Variants in CHUK observed in about 807,000 individuals in gnomAD.
The protein encoded by CHUK is inhibitor of nuclear factor kappa-B kinase subunit alpha.
Under a neutral mutation model 104.8 loss-of-function variants are expected in CHUK, and 35 were observed. The observed-to-expected ratio is 0.33, with a 90% CI of 0.26 to 0.44. CHUK has a LOEUF of 0.44. CHUK is among the 20% of genes least tolerant of loss of function. CHUK has a pLI of 1.00. For synonymous variants in CHUK, 276 were observed against 291.9 expected (o/e 0.95, Z 0.56); for missense variants, 663 against 902.7 (o/e 0.73, Z 3.40).
chr10:100,213,206 C>T (rs1170839251), intron 9 of CHUK, among the ~76,000 whole-genome samples: 4 of 151,896 alleles, frequency 2.6e-5, no homozygotes, highest in African/African-American at 4.8e-5. Flanking sequence ...TTAGGCTGGG[C>T]GCGGTGGCTC....
intron 16 of CHUK, among the ~76,000 whole-genome samples, chr10:100,196,783 T>C (rs1364616570): frequency 2.6e-5 from 4 of 152,184 alleles, no homozygotes; most frequent in Non-Finnish European, 4.4e-5. Context: ...TTCAAATCTA[T>C]GAGGTCGTCA....
Position 100,190,981 on chromosome 10 carries a change from A to C in CHUK, c.2109-13T>G, listed in dbSNP as rs1284451024. Reference sequence around the variant, plus strand: ...TGCTGAAGTCTCCCTGTGAGATGAAAGAACAAAGCCTTTTCAAACTCAGGA... The same window carrying C: ...TGCTGAAGTCTCCCTGTGAGATGAACGAACAAAGCCTTTTCAAACTCAGGA... On this transcript the variant is annotated splice_polypyrimidine_tract_variant and intron_variant, in intron 19 of 20. Transcript: ENST00000370397. 1 of 1,496,456 alleles carries C rather than the reference A, an allele frequency of 6.7e-7. No individual in the cohort carries two copies. The highest frequency in any genetic ancestry group is 1.4e-5 in the African/African-American group (1 of 72,620). 92.7% of individuals were successfully genotyped at this position (1,496,456 alleles called of 1,614,324 possible).
At chr10:100,215,669 A>G (rs17112745) in intron 9 of CHUK, among the ~76,000 whole-genome samples, 11,614 of 152,206 alleles carry the variant, frequency 0.076, 792 homozygotes, top group African/African-American at 0.18. Context: ...TTGCTAAGCT[A>G]TTTTTTCAAA....
rs139711905 is a variant in CHUK, at chr10:100,209,630, G to A, written c.1093C>T (p.Arg365Trp). 4.3e-6 allele frequency: 7 copies of A among 1,610,646 alleles called. No homozygotes were observed. The highest frequency in any genetic ancestry group is 1.1e-5 in the South Asian group (1 of 91,018). Residue 365 changes from arginine to tryptophan, a missense_variant, in exon 10 of 21, where the codon CGG becomes TGG. Transcript: ENST00000370397. ...LSETGISLDP[R>W]KPASQCVLDG... is the part of the protein sequence containing the mutation. The stretch of plus-strand genomic sequence containing the variant: ...AGAACACATTGAGAGGCTGGTTTCC[G>A]AGGATCCAGAGAAATTCCTGTCTCT...
chr10:100,190,532 G>T (rs1356213995), intron 20 of CHUK: 2 of 336,910 alleles, frequency 5.9e-6, no homozygotes, highest in Non-Finnish European at 1.1e-5. Flanking sequence ...CTGAATTAAA[G>T]TACAAGTCCC....
Position 100,204,510 on chromosome 10 carries a change from C to T in CHUK, c.1503G>A (p.Gly501=), listed in dbSNP as rs2862988. 6.3e-3 allele frequency: 10,115 copies of T among 1,612,988 alleles called. 87 individuals are homozygous for T. Among genetic ancestry groups the T allele is most frequent in the South Asian group, 0.021 (1,905 of 91,062 alleles). The change falls in exon 13 of 21, where the codon GGG becomes GGA. Residue 501 remains glycine (G), a synonymous_variant. Coordinates refer to ENST00000370397, the MANE Select transcript of CHUK (RefSeq NM_001278.5). ...ATACATTACACAGACACTTACATAT[C>T]CCATACGTCATCTGCTCGCTGTATC... ...LERYSEQMTY[G]ISSEKMLKAW... is the part of the protein sequence containing the mutation.
intron 9 of CHUK, among the ~76,000 whole-genome samples, chr10:100,211,144 A>C (rs924580732): frequency 1.3e-5 from 2 of 152,214 alleles, no homozygotes; most frequent in Admixed American, 1.3e-4. Flanking sequence ...ACAAAACTAT[A>C]GACAACAGTA....
In CHUK at chr10:100,194,456, G is replaced by C; in HGVS notation, c.1795C>G (p.Arg599Gly). The C allele has an allele frequency of 6.2e-7, 1 of 1,613,274 alleles. No homozygotes were observed. Among genetic ancestry groups the C allele is most frequent in the South Asian group, 1.1e-5 (1 of 91,038 alleles). ...TGACCAAACAGCTCCTTGAGCACAC[G>C]GTCCTGACTCTGCACAGTGTGCACA... ...IIVHTVQSQD[R>G]VLKELFGHLS... Residue 599 changes from arginine to glycine, a missense_variant, in exon 17 of 21, where the codon CGT becomes GGT. Around this residue, in one of 5 missense-constraint regions of CHUK, gnomAD observed 311 missense variants for 393.4 expected, o/e 0.79. Coordinates refer to ENST00000370397, the MANE Select transcript of CHUK (RefSeq NM_001278.5).
At chr10:100,221,926 G>A (rs563296594) in intron 4 of CHUK, among the ~76,000 whole-genome samples, 186 bp downstream of exon 4, 115 of 152,248 alleles carry the variant, frequency 7.6e-4, no homozygotes, top group African/African-American at 2.7e-3. Flanking sequence ...GTGAGCCACC[G>A]CACCTAGCCA....
intron 10 of CHUK, among the ~76,000 whole-genome samples, chr10:100,208,042 TTTGGC>T (rs1845630967): frequency 6.6e-6 from 1 of 152,204 alleles, no homozygotes; most frequent in Non-Finnish European, 1.5e-5. Context: ...CCATTTATCC[TTTGGC>T]AGGACCTATG....
At chr10:100,228,414 G>T (rs1464280575) in intron 1 of CHUK, among the ~76,000 whole-genome samples, 1 of 152,188 alleles carries the variant, frequency 6.6e-6, no homozygotes, top group South Asian at 2.1e-4. Context: ...TGCACTTTGG[G>T]AGCCTGAGAC....
At chr10:100,216,190 CTA>C in intron 9 of CHUK, among the ~76,000 whole-genome samples, 1 of 152,304 alleles carries the variant, frequency 6.6e-6, no homozygotes, top group South Asian at 2.1e-4. Context: ...AGAAACTATG[CTA>C]TGATTCCTAT....
At chr10:100,226,839 A>G (rs918106008) in intron 1 of CHUK, among the ~76,000 whole-genome samples, 2 of 152,234 alleles carry the variant, frequency 1.3e-5, no homozygotes, top group African/African-American at 4.8e-5. Context: ...CCAGGACAGA[A>G]AAAATATATT....
chr10:100,225,507 A>G (rs1218453889), intron 2 of CHUK, among the ~76,000 whole-genome samples: 1 of 152,176 alleles, frequency 6.6e-6, no homozygotes, highest in Non-Finnish European at 1.5e-5. Context: ...CTGCTGGTAG[A>G]TACTGGGTTG....
At chr10:100,206,260 T>C (rs1358605685) in intron 11 of CHUK, among the ~76,000 whole-genome samples, 2 of 152,030 alleles carry the variant, frequency 1.3e-5, no homozygotes, top group African/African-American at 4.8e-5. Flanking sequence ...TACTTTTTAA[T>C]ATTTTTAAAT....
chr10:100,198,747 A>G (rs971735803), intron 16 of CHUK, among the ~76,000 whole-genome samples: 37 of 152,226 alleles, frequency 2.4e-4, no homozygotes, highest in African/African-American at 8.4e-4. Context: ...AAAATAGTAT[A>G]TGAAATACAA....
intron 11 of CHUK, among the ~76,000 whole-genome samples, chr10:100,206,473 C>G (rs1845593667): frequency 6.7e-6 from 1 of 149,486 alleles, no homozygotes; most frequent in Non-Finnish European, 1.5e-5. Flanking sequence ...TAAAACCATT[C>G]TTAAAAAAAA....
At position 100,218,052 on chromosome 10, in the gene CHUK, G is replaced by A. The variant is rs1314752854; in HGVS notation, c.876C>T (p.Asp292=). Residue 292 remains aspartate, a synonymous_variant, in exon 9 of 21, where the codon GAC becomes GAT. Coordinates refer to ENST00000370397, the MANE Select transcript of CHUK (RefSeq NM_001278.5). ...WDPQQRGGPV[D]LTLKQPRCFV... is the part of the protein sequence containing the mutation. ...AACATCTTGGCTGCTTCAAAGTAAG[G>A]TCAACAGGTCCTCCTCTCTGCTGAG... 5 of 1,613,784 alleles carry A rather than the reference G, an allele frequency of 3.1e-6. No homozygotes were observed. The highest frequency in any genetic ancestry group is 1.7e-5 in the Admixed American group (1 of 60,016).
chr10:100,225,785 T>G, intron 2 of CHUK, 138 bp downstream of exon 2: 1 of 616,506 alleles, frequency 1.6e-6, no homozygotes. Context: ...TTATTTGAAA[T>G]AGAATATATT....
Sources: gnomAD v4.1 joint callset for allele counts (sites outside exome capture counted in the v4.1 genomes callset) on GRCh38, gnomAD v4.1.1 for gene constraint, gnomAD v4.1.1 regional missense constraint, MANE v1.5 for transcripts, NCBI Gene and HGNC (gene_info 2026-07-23, HGNC 2026-07-21) for gene names.